Variants in CSMD3 observed in about 807,000 individuals in gnomAD.
The protein encoded by CSMD3 is CUB and Sushi multiple domains 3.
A neutral mutation model predicts 435.2 loss-of-function variants in CSMD3; 177 were observed. That is an observed-to-expected ratio of 0.41 (90% CI 0.36 to 0.46). The LOEUF is 0.46. Ranked by LOEUF, CSMD3 falls within the 20% of genes least tolerant of loss-of-function variation. The pLI, the probability that CSMD3 is intolerant of heterozygous loss-of-function variation, is 0.34. For synonymous variants in CSMD3, 1,656 were observed against 1,520.5 expected (o/e 1.09, Z -2.07); for missense variants, 4,265 against 4,504.6 (o/e 0.95, Z 1.52).
intron 27 of CSMD3, among the ~76,000 whole-genome samples, chr8:112,527,366 G>A (rs1243257278): frequency 1.3e-5 from 2 of 151,456 alleles, no homozygotes; most frequent in Non-Finnish European, 3.0e-5. Flanking sequence ...GGTCAAAAAA[G>A]GGTCAAAAAA....
chr8:113,288,918 A>T (rs2093664979), intron 2 of CSMD3, among the ~76,000 whole-genome samples: 1 of 151,844 alleles, frequency 6.6e-6, no homozygotes, highest in South Asian at 2.1e-4. Context: ...AGCTTACCAC[A>T]GTTGCTGACA....
intron 3 of CSMD3, among the ~76,000 whole-genome samples, chr8:113,247,175 C>T (rs1043546632): frequency 2.0e-5 from 3 of 152,292 alleles, no homozygotes; most frequent in African/African-American, 7.2e-5. Context: ...AGTATCAATG[C>T]CTCAGGCAGC....
intron 13 of CSMD3, among the ~76,000 whole-genome samples, chr8:112,710,182 T>C (rs1194856320): frequency 6.6e-6 from 1 of 152,120 alleles, no homozygotes; most frequent in Non-Finnish European, 1.5e-5. Context: ...ATTTTTTCTT[T>C]GAATAAAGCC....
intron 22 of CSMD3, among the ~76,000 whole-genome samples, chr8:112,624,105 T>C (rs375952316): frequency 3.3e-5 from 5 of 152,226 alleles, no homozygotes; most frequent in African/African-American, 9.6e-5. Context: ...TTATCACCCA[T>C]GCACAAAGAA....
chr8:112,801,167 T>C (rs2078952084), intron 12 of CSMD3, among the ~76,000 whole-genome samples: 1 of 152,074 alleles, frequency 6.6e-6, no homozygotes, highest in South Asian at 2.1e-4. Context: ...ACTTTATTGC[T>C]AAAACCATAA....
chr8:113,151,096 A>C (rs1016205408), intron 4 of CSMD3, among the ~76,000 whole-genome samples: 1 of 151,968 alleles, frequency 6.6e-6, no homozygotes, highest in African/African-American at 2.4e-5. Context: ...GATCTTAGTA[A>C]AGTAAGTCAG....
intron 5 of CSMD3, among the ~76,000 whole-genome samples, chr8:113,020,191 A>G (rs13282548): frequency 6.9e-6 from 1 of 145,802 alleles, no homozygotes; most frequent in Admixed American, 7.0e-5. Flanking sequence ...AAAAAAAAAA[A>G]GAATATATAA....
intron 50 of CSMD3, among the ~76,000 whole-genome samples, chr8:112,307,471 C>T (rs56333610): frequency 0.18 from 26,736 of 151,846 alleles, 2,980 homozygotes; most frequent in Middle Eastern, 0.34. Context: ...TTTGTAGACA[C>T]GGGTTTTCGT....
intron 1 of CSMD3, among the ~76,000 whole-genome samples, chr8:113,340,795 G>A (rs1283977900): frequency 6.6e-6 from 1 of 151,836 alleles, no homozygotes; most frequent in East Asian, 1.9e-4. Flanking sequence ...CTTGAGCTTG[G>A]AAGTCGGAGG....
chr8:113,010,429 G>A (rs987482636), intron 6 of CSMD3, among the ~76,000 whole-genome samples: 4 of 151,620 alleles, frequency 2.6e-5, no homozygotes, highest in Admixed American at 6.6e-5. Context: ...AGGAATGTGG[G>A]AACAAACAAA....
chr8:113,178,576 T>C (rs978859382), intron 3 of CSMD3, among the ~76,000 whole-genome samples: 3 of 151,870 alleles, frequency 2.0e-5, no homozygotes, highest in African/African-American at 7.2e-5. Context: ...ACTAAAGGCA[T>C]ATAATGGAGA....
At chr8:112,385,045 C>A (rs1466681858) in intron 36 of CSMD3, among the ~76,000 whole-genome samples, 1 of 152,036 alleles carries the variant, frequency 6.6e-6, no homozygotes, top group Non-Finnish European at 1.5e-5. Flanking sequence ...TTTAGTGGAC[C>A]ATGAGTAATC....
At chr8:112,641,126 A>T (rs2074813045) in intron 20 of CSMD3, among the ~76,000 whole-genome samples, 1 of 152,184 alleles carries the variant, frequency 6.6e-6, no homozygotes, top group Non-Finnish European at 1.5e-5. Flanking sequence ...TGACTGGCAC[A>T]GAAAGCGTTA....
chr8:112,977,721 C>T (rs964563802), intron 6 of CSMD3, among the ~76,000 whole-genome samples: 1 of 151,972 alleles, frequency 6.6e-6, no homozygotes, highest in African/African-American at 2.4e-5. Context: ...TGACGATTAT[C>T]AAATTATTTT....
intron 13 of CSMD3, among the ~76,000 whole-genome samples, chr8:112,698,226 G>A (rs771064709): frequency 2.6e-5 from 4 of 152,136 alleles, no homozygotes; most frequent in African/African-American, 9.7e-5. Flanking sequence ...ATTTACAAAT[G>A]TAGAAACAGA....
chr8:112,244,306 T>G, intron 65 of CSMD3, 88 bp downstream of exon 65: 4 of 1,109,260 alleles, frequency 3.6e-6, no homozygotes, highest in Non-Finnish European at 5.5e-6. Context: ...CTTGTTCCTA[T>G]GCTAATTTGA....
intron 10 of CSMD3, among the ~76,000 whole-genome samples, chr8:112,908,855 G>T (rs964714971): frequency 1.3e-5 from 2 of 151,384 alleles, no homozygotes; most frequent in African/African-American, 2.4e-5. Context: ...TCTTAAACAG[G>T]CAGGAAAAAT....
chr8:112,439,871 G>A (rs75628532), intron 32 of CSMD3, among the ~76,000 whole-genome samples: 41 of 148,716 alleles, frequency 2.8e-4, no homozygotes, highest in Non-Finnish European at 4.5e-4. Context: ...GTCCCCCCCC[G>A]CCAACATGTG....
At chr8:113,216,209 T>C (rs1164330740) in intron 3 of CSMD3, among the ~76,000 whole-genome samples, 1 of 151,872 alleles carries the variant, frequency 6.6e-6, no homozygotes, top group African/African-American at 2.4e-5. Context: ...GTCATACAAT[T>C]AAATTGATCT....
Sources: allele counts gnomAD v4.1 joint callset (sites outside exome capture counted in the v4.1 genomes callset), GRCh38; gene constraint gnomAD v4.1.1; transcripts MANE v1.5; gene names NCBI Gene and HGNC (gene_info 2026-07-23, HGNC 2026-07-21).